The following DOCK6 variants were observed in gnomAD, a reference collection of about 807,000 sequenced individuals.
The protein encoded by DOCK6 is dedicator of cytokinesis protein 6.
DOCK6 carries 167 observed loss-of-function variants against 230.3 expected under a neutral mutation model. That is an observed-to-expected ratio of 0.73 (90% confidence interval 0.64 to 0.82). The LOEUF is 0.82. DOCK6 is among the 40% of genes least tolerant of loss of function. DOCK6 has a pLI of 0.00. For missense variants in DOCK6, 2,598 were observed against 2,825.8 expected (o/e 0.92, Z 1.83); for synonymous variants, 1,148 against 1,185.0 (o/e 0.97, Z 0.64).
chr19:11,203,988 C>G, intron 41 of DOCK6, 93 bp downstream of exon 41: 1 of 1,502,592 alleles, frequency 6.7e-7, no homozygotes, highest in Non-Finnish European at 9.0e-7. Context: ...AGCGGCCATG[C>G]TCCTCTGGTG....
At chr19:11,247,255 A>AT (rs762436489) in intron 7 of DOCK6, 2,440 of 138,208 alleles carry the variant, frequency 0.018, 53 homozygotes, top group African/African-American at 0.053. Context: ...CGTCTGGCTA[A>AT]TTTTTTTTTT....
intron 1 of DOCK6, among the ~76,000 whole-genome samples, chr19:11,258,141 G>A (rs574141847): frequency 1.3e-5 from 2 of 152,288 alleles, no homozygotes; most frequent in South Asian, 4.1e-4. Flanking sequence ...ATAAATGCAT[G>A]AGGCAGGGGA....
chr19:11,201,132 C>T lies in DOCK6; in HGVS notation c.5689-80G>A. 1.9e-6 allele frequency: 3 copies of T among 1,551,248 alleles called. No homozygotes were observed. The highest frequency in any genetic ancestry group is 2.6e-6 in the Non-Finnish European group (3 of 1,146,618). ...GAAGCCAGTCGGGGGCAGCTCAGACCCCGCTGGGAGTGAGAGGGGTCCAAG... is the reference window on the plus strand; with the variant it reads ...GAAGCCAGTCGGGGGCAGCTCAGACTCCGCTGGGAGTGAGAGGGGTCCAAG... On this transcript the variant is annotated intron_variant, in intron 44 of 47. Coordinates refer to ENST00000294618, the MANE Select transcript of DOCK6 (RefSeq NM_020812.4). This position sits in a 1 kb window ranked among gnomAD's most constrained non-coding sequence, Gnocchi z 4.3.
At position 11,208,941 on chromosome 19, in the gene DOCK6, G is replaced by A; in HGVS notation, c.4914C>T (p.Arg1638=). The part of the protein sequence containing the change: ...AEYLALLEDH[R]HLPVGCVSFQ... ...AGGAAACGCAGCCCACGGGCAGGTG[G>A]CGGTGGTCCTCGAGCAGGGCGAGGT... Residue 1638 remains arginine (R), a synonymous_variant, in exon 38 of 48, where the codon CGC becomes CGT. Transcript: ENST00000294618. 6.3e-7 allele frequency: 1 copy of A among 1,597,984 alleles called. No individual in the cohort carries two copies. Among genetic ancestry groups the A allele is most frequent in the Non-Finnish European group, 8.6e-7 (1 of 1,167,536 alleles).
intron 39 of DOCK6, among the ~76,000 whole-genome samples, chr19:11,208,031 A>G (rs1232358522): frequency 1.3e-5 from 2 of 151,790 alleles, no homozygotes; most frequent in African/African-American, 4.8e-5. Flanking sequence ...CTGAGGTGGG[A>G]GGATTACTTG....
chr19:11,259,702 C>T (rs1457499998), intron 1 of DOCK6, among the ~76,000 whole-genome samples: 3 of 149,320 alleles, frequency 2.0e-5, no homozygotes, highest in East Asian at 2.0e-4. Flanking sequence ...GGATTACAGG[C>T]GTGCGTCACC....
intron 39 of DOCK6, 66 bp from the exon 40 acceptor site, chr19:11,204,397 C>T: frequency 6.3e-7 from 1 of 1,576,860 alleles, no homozygotes; most frequent in Non-Finnish European, 8.7e-7. Context: ...TCCTGTCTAC[C>T]CATCTCCCTT....
chr19:11,248,040 G>A (rs1180228794), intron 7 of DOCK6, 26 bp downstream of exon 7: 2 of 1,597,520 alleles, frequency 1.3e-6, no homozygotes, highest in African/African-American at 2.7e-5. Flanking sequence ...ACGCATCTAA[G>A]AAGAGAGACA....
At chr19:11,256,629 G>C (rs1266286817) in intron 1 of DOCK6, among the ~76,000 whole-genome samples, 12 of 152,170 alleles carry the variant, frequency 7.9e-5, no homozygotes, top group Admixed American at 7.9e-4. Flanking sequence ...GACAATCCTA[G>C]GCAGCTGGGA....
At chr19:11,208,507 C>G (rs914169954) in intron 39 of DOCK6, 179 bp downstream of exon 39, 22 of 806,090 alleles carry the variant, frequency 2.7e-5, no homozygotes, top group Non-Finnish European at 3.9e-5. Flanking sequence ...TCTCGAACTC[C>G]TGGCCTCATG....
intron 14 of DOCK6, 108 bp from the exon 15 acceptor site, chr19:11,238,412 G>A: frequency 9.7e-7 from 1 of 1,030,498 alleles, no homozygotes. Context: ...AGTCCAGGAA[G>A]AGTAGGTCAT....
At position 11,236,132 on chromosome 19, in the gene DOCK6, G is replaced by C. The variant is rs945593368; in HGVS notation, c.2392+214C>G. On this transcript the variant is annotated intron_variant, in intron 20 of 47. Coordinates refer to ENST00000294618, the MANE Select transcript of DOCK6 (RefSeq NM_020812.4). The surrounding 1 kb of genome is among the most constrained non-coding windows in gnomAD (Gnocchi z 5.2). ...CGACCTCAGGTGATCTGCCCGCCTC[G>C]GCCTCCCAAAGTGCTGGGATGACAG... is the stretch of plus-strand genomic sequence containing the variant. 4 of 594,750 alleles carry C rather than the reference G, an allele frequency of 6.7e-6. No homozygotes were observed. Among genetic ancestry groups the C allele is most frequent in the South Asian group, 4.7e-5 (2 of 42,420 alleles). The allele number at this position is 594,750 out of a possible 1,614,324, so 36.8% of individuals were successfully genotyped here. A position where few individuals can be genotyped will look rare whatever the true frequency, so the allele number is the denominator to read the frequency against.
At position 11,222,910 on chromosome 19, in the gene DOCK6, A is replaced by G. The variant is rs1478908162; in HGVS notation, c.3070-5T>C. 6.2e-7 allele frequency: 1 copy of G among 1,611,052 alleles called. No homozygotes were observed. The highest frequency in any genetic ancestry group is 8.5e-7 in the Non-Finnish European group (1 of 1,178,854). Reference sequence around the variant, plus strand: ...CGACTGGAGCCGCGTGGCCACCTGCAGGAGAGGGGTGGCCATCAGTGATGT... The same window carrying G: ...CGACTGGAGCCGCGTGGCCACCTGCGGGAGAGGGGTGGCCATCAGTGATGT... On this transcript the variant is annotated splice_polypyrimidine_tract_variant and splice_region_variant and intron_variant, in intron 25 of 47. Coordinates refer to ENST00000294618, the MANE Select transcript of DOCK6 (RefSeq NM_020812.4). The surrounding 1 kb of genome is among the most constrained non-coding windows in gnomAD (Gnocchi z 4.0).
chr19:11,239,620 T>C (rs2147839962), intron 14 of DOCK6: 1 of 1,613,186 alleles, frequency 6.2e-7, no homozygotes, highest in Non-Finnish European at 8.5e-7. Context: ...GCTGTGGCTA[T>C]ACCTTAGACC....
In DOCK6 at chr19:11,204,091, GAACTCTGTGGGGAA is replaced by G; in HGVS notation, c.5221-10_5224del. ...CCAAGGCTGACTCACCTCCCAGCCG[GAACTCTGTGGGGAA>G]GAGAAGGGTCAAGGTCAGCAGATCC... On this transcript the variant is annotated splice_acceptor_variant and splice_polypyrimidine_tract_variant and coding_sequence_variant and intron_variant, in exon 41 of 48. Coordinates refer to ENST00000294618, the MANE Select transcript of DOCK6 (RefSeq NM_020812.4). LOFTEE classifies it high-confidence loss of function. The G allele has an allele frequency of 1.3e-6, 2 of 1,503,944 alleles. No individual in the cohort carries two copies. 93.2% of individuals were successfully genotyped at this position (1,503,944 alleles called of 1,614,324 possible). A position where few individuals can be genotyped will look rare whatever the true frequency, so the allele number is the denominator to read the frequency against.
At position 11,262,477 on chromosome 19, in the gene DOCK6, GC is replaced by G; in HGVS notation, c.-38del. ...CCCGCCGCCGCCGCCCCGGGCCCCG[GC>G]CCCGCCGCCGCCGCCGCCTCCCGGT... On this transcript the variant is annotated 5_prime_UTR_variant, in exon 1 of 48. Coordinates refer to ENST00000294618, the MANE Select transcript of DOCK6 (RefSeq NM_020812.4). 1.8e-6 allele frequency: 2 copies of G among 1,115,722 alleles called. No individual in the cohort carries two copies. Among genetic ancestry groups the G allele is most frequent in the East Asian group, 4.7e-5 (1 of 21,458 alleles). The allele number at this position is 1,115,722 out of a possible 1,614,324, so 69.1% of individuals were successfully genotyped here.
At chr19:11,239,629 C>T (rs577224723) in intron 14 of DOCK6, 4 of 1,613,706 alleles carry the variant, frequency 2.5e-6, no homozygotes, top group East Asian at 2.2e-5. Context: ...ATACCTTAGA[C>T]CCTCAGTCAT....
Position 11,215,454 on chromosome 19 carries a change from TC to T in DOCK6, c.4038del (p.Asn1347IlefsTer44). ...VRRSRERSPF[G>X]NPENVRWRKS... The stretch of plus-strand genomic sequence containing the variant: ...TTCCGCCAGCGCACATTCTCCGGAT[TC>T]CCAAACGGGCTCCTCTCTGAGACGC... On this transcript the variant is annotated frameshift_variant, in exon 32 of 48. Coordinates refer to ENST00000294618, the MANE Select transcript of DOCK6 (RefSeq NM_020812.4). LOFTEE classifies it high-confidence loss of function. 1.9e-6 allele frequency: 3 copies of T among 1,612,824 alleles called. No homozygotes were observed. Among genetic ancestry groups the T allele is most frequent in the Non-Finnish European group, 2.5e-6 (3 of 1,179,814 alleles).
At chr19:11,252,999 G>A in intron 2 of DOCK6, 41 bp from the exon 3 acceptor site, 1 of 1,556,052 alleles carries the variant, frequency 6.4e-7, no homozygotes, top group African/African-American at 1.4e-5. Context: ...CTACCTAGGA[G>A]GCTGAGAGTG....
Sources: allele counts gnomAD v4.1 joint callset (sites outside exome capture counted in the v4.1 genomes callset), GRCh38; gene constraint gnomAD v4.1.1; non-coding constraint Gnocchi (gnomAD v3.1); transcripts MANE v1.5; gene names NCBI Gene and HGNC (gene_info 2026-07-23, HGNC 2026-07-21).